The following ZNF678 variants were observed in gnomAD, a reference collection of about 807,000 sequenced individuals.
ZNF678 encodes hypothetical protein MGC42493.
In ZNF678, 5 loss-of-function variants were observed where a neutral mutation model predicts 3.0. The ratio of observed to expected loss-of-function variants is 1.69; its 90% CI spans 0.88 to 3.56. The LOEUF (loss-of-function observed/expected upper bound fraction) is 3.56. Ranked by LOEUF, ZNF678 falls within the 30% of genes most tolerant of loss-of-function variation. The probability of loss-of-function intolerance (pLI) is 0.00; values close to 1 mark genes in which losing one functional copy is unlikely to be tolerated. For missense variants in ZNF678, 593 were observed against 605.0 expected, an observed-to-expected ratio of 0.98 and a Z score of 0.21; for synonymous variants, 218 against 199.6, an observed-to-expected ratio of 1.09 and a Z score of -0.78.
chr1:227,646,521 G>A (rs774961554), intron 1 of ZNF678, 23 bp from the exon 2 acceptor site: 37 of 1,312,046 alleles, frequency 2.8e-5, no homozygotes, highest in Middle Eastern at 2.1e-4. Context: ...TTGTAAATAC[G>A]TGTGTATTTT....
intron 1 of ZNF678, among the ~76,000 whole-genome samples, chr1:227,611,132 G>T (rs774047069): frequency 6.6e-6 from 1 of 152,194 alleles, no homozygotes; most frequent in Non-Finnish European, 1.5e-5. Context: ...TTTTTATGAA[G>T]CTTCCAATGG....
Position 227,655,072 on chromosome 1 carries a change from T to C in ZNF678, c.822T>C (p.Phe274=). The part of the protein sequence containing the change: ...PYKCEECGNV[F]NECSHLTRHR... Reference sequence around the variant, plus strand: ...AGTGTGAAGAATGTGGCAACGTTTTTAATGAGTGCTCACACCTAACTAGAC... The same window carrying C: ...AGTGTGAAGAATGTGGCAACGTTTTCAATGAGTGCTCACACCTAACTAGAC... Residue 274 remains phenylalanine, a synonymous_variant, in exon 4 of 4, where the codon TTT becomes TTC. Coordinates refer to ENST00000343776, the MANE Select transcript of ZNF678 (RefSeq NM_001367909.1). The C allele has an allele frequency of 6.2e-7, 1 of 1,612,114 alleles. No homozygotes were observed.
intron 1 of ZNF678, among the ~76,000 whole-genome samples, chr1:227,571,717 C>G (rs1656847067): frequency 6.6e-6 from 1 of 152,114 alleles, no homozygotes. Flanking sequence ...CCTCTGTGAC[C>G]AAGGAAATTT....
chr1:227,657,247 G>A lies in ZNF678; in HGVS notation c.*1419G>A, dbSNP rs1170915431. The A allele has an allele frequency of 1.3e-5, 2 of 151,848 alleles. No homozygotes were observed. Among genetic ancestry groups the A allele is most frequent in the Admixed American group, 6.6e-5 (1 of 15,224 alleles). 9.4% of individuals were successfully genotyped at this position (151,848 alleles called of 1,614,324 possible). ...TGATATTCCTCTTGCTTTGTCTTTT[G>A]CCATGATACCCCTTTGCCTTTTATT... On this transcript the variant is annotated 3_prime_UTR_variant, in exon 4 of 4. Coordinates refer to ENST00000343776, the MANE Select transcript of ZNF678 (RefSeq NM_001367909.1).
chr1:227,644,789 A>G (rs561652678), intron 1 of ZNF678, among the ~76,000 whole-genome samples: 4 of 143,512 alleles, frequency 2.8e-5, no homozygotes, highest in East Asian at 4.9e-4. Context: ...TGGCCAGTTT[A>G]AAGAAATACT....
chr1:227,580,853 T>C (rs765246156), intron 1 of ZNF678, among the ~76,000 whole-genome samples: 8 of 151,878 alleles, frequency 5.3e-5, no homozygotes, highest in Admixed American at 2.6e-4. Context: ...TTGCTTGAAC[T>C]TGGGAAGCGG....
intron 1 of ZNF678, among the ~76,000 whole-genome samples, chr1:227,574,697 A>G (rs889290051): frequency 7.9e-5 from 12 of 151,980 alleles, no homozygotes; most frequent in Non-Finnish European, 1.6e-4. Flanking sequence ...GCTTTTGTTG[A>G]AATTGCTTTT....
intron 1 of ZNF678, among the ~76,000 whole-genome samples, chr1:227,593,142 C>T (rs1242267006): frequency 6.6e-6 from 1 of 152,204 alleles, no homozygotes; most frequent in African/African-American, 2.4e-5. Context: ...GCTGTAGAAT[C>T]CTGGAAAAGA....
At chr1:227,677,832 A>C (rs1158705005), downstream of ZNF678, among the ~76,000 whole-genome samples, 1 of 152,222 alleles carries the variant, frequency 6.6e-6, no homozygotes, top group Non-Finnish European at 1.5e-5. Context: ...GGTAACTCTG[A>C]GCTGGAGACC....
At chr1:227,589,973 T>C (rs1484333234) in intron 1 of ZNF678, among the ~76,000 whole-genome samples, 1 of 151,794 alleles carries the variant, frequency 6.6e-6, no homozygotes, top group East Asian at 1.9e-4. Flanking sequence ...CTTTTATCTT[T>C]ACCATCTGTG....
chr1:227,590,814 A>G lies in ZNF678; in HGVS notation c.-164+27090A>G, dbSNP rs1211545336. ...GGCCTAAATGGTCTGCAGCTTTGGA[A>G]ATTTACTCTGTGTCGTTTGAACTCC... On this transcript the variant is annotated intron_variant, in intron 1 of 3. Coordinates refer to ENST00000343776, the MANE Select transcript of ZNF678 (RefSeq NM_001367909.1). Among the ~76,000 whole-genome samples, 2 of 151,664 alleles carry G rather than the reference A, an allele frequency of 1.3e-5. 1 individual carries two copies. Among genetic ancestry groups the G allele is most frequent in the Non-Finnish European group, 2.9e-5 (2 of 67,966 alleles).
At chr1:227,595,074 TTA>T (rs1452905131) in intron 1 of ZNF678, among the ~76,000 whole-genome samples, 1 of 152,174 alleles carries the variant, frequency 6.6e-6, no homozygotes, top group Non-Finnish European at 1.5e-5. Flanking sequence ...TATTGGAGTG[TTA>T]TAGGGTTACG....
At chr1:227,674,983 TAAG>T (rs1370983662) in intron 5 of ZNF678, among the ~76,000 whole-genome samples, 4 of 152,236 alleles carry the variant, frequency 2.6e-5, no homozygotes, top group African/African-American at 7.2e-5. Context: ...TACATTGTAT[TAAG>T]AAAGTATTTT....
Position 227,584,816 on chromosome 1 carries a change from C to A in ZNF678, c.-164+21092C>A, listed in dbSNP as rs536002999. Among the ~76,000 whole-genome samples, 3 of 152,276 alleles carry A rather than the reference C, an allele frequency of 2.0e-5. No homozygotes were observed. In the South Asian group the frequency reaches 6.2e-4, roughly 32 times the overall value. On this transcript the variant is annotated intron_variant, in intron 1 of 3. Coordinates refer to ENST00000343776, the MANE Select transcript of ZNF678 (RefSeq NM_001367909.1). ...CCAAACCAATTCTTGCTGGGGACAG[C>A]CAGGGTGATCAGACTTGTGCGATGG... is the stretch of plus-strand genomic sequence containing the variant.
rs542424446 is a variant in ZNF678 at position 227,573,868 on chromosome 1, A to G, written c.-164+10144A>G. Among the ~76,000 whole-genome samples, 13 of 152,086 alleles carry G rather than the reference A, an allele frequency of 8.5e-5. No homozygotes were observed. The East Asian group carries it at 2.3e-3, about 27-fold the overall frequency. On this transcript the variant is annotated intron_variant, in intron 1 of 3. Coordinates refer to ENST00000343776, the MANE Select transcript of ZNF678 (RefSeq NM_001367909.1). ...GTCCCAGTGTCTTTTGTTCCTTTCC[A>G]TGTGTCCATGTGTTCTCATCATTTA...
At chr1:227,618,283 A>G (rs866504653) in intron 1 of ZNF678, among the ~76,000 whole-genome samples, 16 of 152,268 alleles carry the variant, frequency 1.1e-4, no homozygotes, top group Admixed American at 6.5e-5. Flanking sequence ...CATCTGGGCA[A>G]TCCTTCACTC....
intron 1 of ZNF678, among the ~76,000 whole-genome samples, chr1:227,599,868 A>G (rs1657691299): frequency 6.6e-6 from 1 of 152,084 alleles, no homozygotes; most frequent in South Asian, 2.1e-4. Flanking sequence ...TATATAGGTA[A>G]ACTCGTGTAA....
intron 1 of ZNF678, among the ~76,000 whole-genome samples, chr1:227,597,862 A>G (rs1657633782): frequency 1.3e-5 from 2 of 152,346 alleles, no homozygotes; most frequent in South Asian, 2.1e-4. Flanking sequence ...TGTGGCTACT[A>G]TGTCCACAAT....
intron 1 of ZNF678, among the ~76,000 whole-genome samples, chr1:227,570,523 C>T (rs1367038736): frequency 1.3e-5 from 2 of 152,154 alleles, no homozygotes; most frequent in Admixed American, 1.3e-4. Flanking sequence ...CCCTGTATCC[C>T]AAAGCTCACT....
Sources: gnomAD v4.1 joint callset for allele counts (sites outside exome capture counted in the v4.1 genomes callset) on GRCh38, gnomAD v4.1.1 for gene constraint, MANE v1.5 for transcripts, NCBI Gene and HGNC (gene_info 2026-07-23, HGNC 2026-07-21) for gene names.